The following MEGF6 variants were observed in gnomAD, a reference collection of about 807,000 sequenced individuals.
MEGF6 encodes the protein multiple EGF like domains 6.
Under a neutral mutation model 207.1 loss-of-function variants are expected in MEGF6, and 184 were observed. The ratio of observed to expected loss-of-function variants is 0.89; its 90% CI spans 0.79 to 1.00. The LOEUF (loss-of-function observed/expected upper bound fraction) is 1.00. MEGF6 is among the 50% of genes least tolerant of loss of function. MEGF6 has a pLI of 0.00. For synonymous variants in MEGF6, 1,038 were observed against 910.0 expected, an observed-to-expected ratio of 1.14 and a Z score of -2.53; for missense variants, 2,282 against 2,202.9, an observed-to-expected ratio of 1.04 and a Z score of -0.72.
intron 4 of MEGF6, among the ~76,000 whole-genome samples, chr1:3,553,880 G>A (rs868311334): frequency 2.0e-5 from 3 of 152,214 alleles, no homozygotes; most frequent in African/African-American, 4.8e-5. Flanking sequence ...GGGCCCGGGA[G>A]CACCCCGTTG....
intron 4 of MEGF6, among the ~76,000 whole-genome samples, chr1:3,542,632 C>T (rs865814321): frequency 2.0e-5 from 3 of 152,190 alleles, no homozygotes; most frequent in Non-Finnish European, 2.9e-5. Context: ...CTCTGCAGCC[C>T]GGGCCGTGGG....
rs1383027213 is a variant in MEGF6, at chr1:3,506,295, C to T, written c.1790-59G>A. The T allele has an allele frequency of 3.2e-6, 5 of 1,577,236 alleles. No individual in the cohort carries two copies. The African/African-American group carries it at 4.1e-5, about 13-fold the overall frequency. ...GGCAGCCAGCCTACCACATGTGGTC[C>T]CCCCATGTGGTAGGATGCGCGGGGG... On this transcript the variant is annotated intron_variant, in intron 14 of 36. Transcript: ENST00000356575.
chr1:3,595,560 G>C, intron 2 of MEGF6, 113 bp from the exon 3 acceptor site: 1 of 868,502 alleles, frequency 1.2e-6, no homozygotes, highest in Non-Finnish European at 1.8e-6. Flanking sequence ...CGGCGGCACA[G>C]GCTGCAGCAC....
At chr1:3,499,981 C>G (rs1017865944) in intron 21 of MEGF6, 57 bp from the exon 22 acceptor site, 14 of 1,499,020 alleles carry the variant, frequency 9.3e-6, no homozygotes, top group African/African-American at 1.4e-5. Flanking sequence ...CTGACCCAGC[C>G]GTGCCCGGGC....
chr1:3,609,538 G>A (rs897200164), intron 1 of MEGF6, among the ~76,000 whole-genome samples: 11 of 152,346 alleles, frequency 7.2e-5, no homozygotes, highest in East Asian at 5.8e-4. Flanking sequence ...GGCCCCCAGC[G>A]CAGCCACCGC....
At chr1:3,600,007 G>C (rs1339701569) in intron 2 of MEGF6, among the ~76,000 whole-genome samples, 1 of 152,164 alleles carries the variant, frequency 6.6e-6, no homozygotes, top group Non-Finnish European at 1.5e-5. Flanking sequence ...ATGAAACCAC[G>C]AGCCTCCCAT....
chr1:3,500,654 C>G lies in MEGF6; in HGVS notation c.2686G>C (p.Val896Leu), dbSNP rs200407453. 6 of 1,564,346 alleles carry G rather than the reference C, an allele frequency of 3.8e-6. No individual in the cohort carries two copies. The highest frequency in any genetic ancestry group is 5.2e-6 in the Non-Finnish European group (6 of 1,154,768). Reference sequence around the variant, plus strand: ...TCACGCTGCTCGCACCGCGGGCCCACGTAGCCAGCCTCACACAGACACAGG... The same window carrying G: ...TCACGCTGCTCGCACCGCGGGCCCAGGTAGCCAGCCTCACACAGACACAGG... ...SGLCLCEAGY[V>L]GPRCEQQCPQ... The change falls in exon 21 of 37, where the codon GTG becomes CTG. Residue 896 changes from valine (V) to leucine (L), a missense_variant. Coordinates refer to ENST00000356575, the MANE Select transcript of MEGF6 (RefSeq NM_001409.4).
Position 3,521,451 on chromosome 1 carries a change from C to A in MEGF6, c.604+2673G>T, listed in dbSNP as rs137863845. The stretch of plus-strand genomic sequence containing the variant: ...GGCCGAGCTGCCGCAGGAGACCCCC[C>A]ACAGGGCAGCCCTTGGCCAGGAGCT... On this transcript the variant is annotated intron_variant, in intron 5 of 36. Coordinates refer to ENST00000356575, the MANE Select transcript of MEGF6 (RefSeq NM_001409.4). Among the ~76,000 whole-genome samples the A allele has an allele frequency of 2.0e-5, 3 of 152,310 alleles. No homozygotes were observed. The East Asian group carries it at 5.8e-4, about 29-fold the overall frequency.
intron 4 of MEGF6, among the ~76,000 whole-genome samples, chr1:3,540,436 C>T (rs1433138185): frequency 6.6e-6 from 1 of 152,232 alleles, no homozygotes; most frequent in African/African-American, 2.4e-5. Context: ...GAACGTGGCC[C>T]CAGCTTTGCA....
At chr1:3,510,370 C>T (rs1466709080) in intron 10 of MEGF6, among the ~76,000 whole-genome samples, 2 of 151,844 alleles carry the variant, frequency 1.3e-5, no homozygotes, top group Non-Finnish European at 2.9e-5. Context: ...GCCCTGCACG[C>T]AGCAGGCGCT....
chr1:3,577,390 T>G (rs1643672820), intron 4 of MEGF6, among the ~76,000 whole-genome samples: 1 of 152,236 alleles, frequency 6.6e-6, no homozygotes, highest in Non-Finnish European at 1.5e-5. Context: ...GGTGGCAGCA[T>G]GGCCAGAAGG....
chr1:3,598,063 C>A (rs1216189633), intron 2 of MEGF6, among the ~76,000 whole-genome samples: 1 of 152,216 alleles, frequency 6.6e-6, no homozygotes, highest in South Asian at 2.1e-4. Context: ...CCGCCCCGGG[C>A]CTGCCCTGCA....
rs57377827 is a variant in MEGF6 at position 3,526,398 on chromosome 1, A to ATTT, written c.482-2155_482-2153dup. ...CTGCTACTCAGGCCAGGTGACACCTATTTTTTTTTTTTTTTTTTTGAGACA... is the reference window on the plus strand; with the variant it reads ...CTGCTACTCAGGCCAGGTGACACCTATTTTTTTTTTTTTTTTTTTTTTGAGACA... On this transcript the variant is annotated intron_variant, in intron 4 of 36. Coordinates refer to ENST00000356575, the MANE Select transcript of MEGF6 (RefSeq NM_001409.4). 4.7e-4 allele frequency among the ~76,000 whole-genome samples: 61 copies of ATTT among 130,880 alleles called. 1 individual carries two copies. Among genetic ancestry groups the ATTT allele is most frequent in the East Asian group, 2.2e-3 (10 of 4,508 alleles). 85.9% of individuals were successfully genotyped at this position (130,880 alleles called of 152,430 possible). A position where few individuals can be genotyped will look rare whatever the true frequency, so the allele number is the denominator to read the frequency against.
At chr1:3,578,100 T>C (rs1643692332) in intron 4 of MEGF6, among the ~76,000 whole-genome samples, 1 of 151,726 alleles carries the variant, frequency 6.6e-6, no homozygotes, top group East Asian at 1.9e-4. Context: ...GTGTCCTCCC[T>C]CCCCTCCCAG....
chr1:3,613,548 G>A (rs199896037), upstream of MEGF6, among the ~76,000 whole-genome samples: 46 of 152,318 alleles, frequency 3.0e-4, 1 homozygote, highest in East Asian at 7.3e-3. Flanking sequence ...GCCCTGGGAC[G>A]GGGGTGGAGG....
In MEGF6 at chr1:3,595,401, G is replaced by T. The variant is rs754535443; in HGVS notation, c.313C>A (p.Arg105=). The T allele has an allele frequency of 6.2e-7, 1 of 1,612,664 alleles. No individual in the cohort carries two copies. Among genetic ancestry groups the T allele is most frequent in the Non-Finnish European group, 8.5e-7 (1 of 1,179,898 alleles). The change falls in exon 3 of 37, where the codon CGG becomes AGG. Residue 105 remains arginine (R), a synonymous_variant. Coordinates refer to ENST00000356575, the MANE Select transcript of MEGF6 (RefSeq NM_001409.4). ...CCTCGGCAGCACCTGAGCACGGTCC[G>T]GGCCTCCGTGGTATACACCTGCCTG... ...GYRQVYTTEA[R]TVLRCCRGWM... is the part of the protein sequence containing the mutation.
At chr1:3,602,321 T>C (rs1644173004) in intron 2 of MEGF6, 145 bp downstream of exon 2, 1 of 1,263,982 alleles carries the variant, frequency 7.9e-7, no homozygotes, top group South Asian at 1.5e-5. Context: ...AGAGGCCTCA[T>C]GCTCAGATGA....
At chr1:3,518,514 G>A (rs747555628) in intron 5 of MEGF6, among the ~76,000 whole-genome samples, 1 of 152,250 alleles carries the variant, frequency 6.6e-6, no homozygotes, top group African/African-American at 2.4e-5. Context: ...GGGAGTGGAG[G>A]GTGGGGCATC....
chr1:3,566,458 C>T (rs1000418907), intron 4 of MEGF6, among the ~76,000 whole-genome samples: 5 of 152,222 alleles, frequency 3.3e-5, no homozygotes, highest in African/African-American at 9.6e-5. Flanking sequence ...CAACCTGGGG[C>T]CCACTTTGGC....
Sources: allele counts gnomAD v4.1 joint callset (sites outside exome capture counted in the v4.1 genomes callset), GRCh38; gene constraint gnomAD v4.1.1; transcripts MANE v1.5; gene names NCBI Gene and HGNC (gene_info 2026-07-23, HGNC 2026-07-21).